PDPN: variants seen among roughly 807,000 people sequenced by gnomAD.
PDPN encodes PA2.26 antigen.
Under a neutral mutation model 23.2 loss-of-function variants are expected in PDPN, and 12 were observed. The ratio of observed to expected loss-of-function variants is 0.52; its 90% confidence interval spans 0.33 to 0.84. PDPN has a LOEUF of 0.84. PDPN is among the 40% of genes least tolerant of loss of function. The pLI, the probability that PDPN is intolerant of heterozygous loss-of-function variation, is 0.02. For synonymous variants in PDPN, 77 were observed against 76.7 expected, an observed-to-expected ratio of 1.00 and a Z score of -0.02; for missense variants, 199 against 212.2, an observed-to-expected ratio of 0.94 and a Z score of 0.39.
intron 1 of PDPN, among the ~76,000 whole-genome samples, chr1:13,604,341 A>G (rs985098659): frequency 6.6e-6 from 1 of 152,222 alleles, no homozygotes; most frequent in Non-Finnish European, 1.5e-5. Flanking sequence ...TTCAGCCAAG[A>G]TACTAAGAGG....
intron 1 of PDPN, chr1:13,595,871 G>T (rs749288616): frequency 7.8e-7 from 1 of 1,288,390 alleles, no homozygotes; most frequent in Non-Finnish European, 1.0e-6. Flanking sequence ...GTGGACAGCG[G>T]CAGGGACATC....
intron 3 of PDPN, among the ~76,000 whole-genome samples, chr1:13,610,817 TTG>T (rs111498287): frequency 0.017 from 2,524 of 152,290 alleles, 67 homozygotes; most frequent in African/African-American, 0.058. Flanking sequence ...GTGAAGAACT[TTG>T]TGTTGACACC....
chr1:13,591,329 C>T (rs1640338716), intron 1 of PDPN, among the ~76,000 whole-genome samples: 1 of 152,202 alleles, frequency 6.6e-6, no homozygotes, highest in Non-Finnish European at 1.5e-5. Flanking sequence ...GCACTCATGA[C>T]TATATTCACA....
chr1:13,603,031 T>C (rs981870523), intron 1 of PDPN, among the ~76,000 whole-genome samples: 2 of 150,656 alleles, frequency 1.3e-5, no homozygotes, highest in African/African-American at 2.4e-5. Context: ...TATATATATA[T>C]ATAAAAATAA....
At chr1:13,610,782 G>A (rs886110618) in intron 3 of PDPN, among the ~76,000 whole-genome samples, 2 of 152,136 alleles carry the variant, frequency 1.3e-5, no homozygotes, top group African/African-American at 2.4e-5. Context: ...ATTGCATGGC[G>A]GACTCCAAGT....
intron 1 of PDPN, among the ~76,000 whole-genome samples, chr1:13,605,743 C>T (rs1421488839): frequency 2.0e-5 from 3 of 152,168 alleles, no homozygotes; most frequent in Non-Finnish European, 4.4e-5. Flanking sequence ...CTGCCTCAGC[C>T]TCCCAAGTAG....
At chr1:13,594,487 G>A (rs990700003) in intron 1 of PDPN, among the ~76,000 whole-genome samples, 3 of 152,142 alleles carry the variant, frequency 2.0e-5, no homozygotes, top group Non-Finnish European at 4.4e-5. Context: ...GAAGTAGAGA[G>A]GAATATAACA....
chr1:13,598,234 C>T (rs114856161), intron 1 of PDPN, among the ~76,000 whole-genome samples: 1,659 of 151,994 alleles, frequency 0.011, 31 homozygotes, highest in African/African-American at 0.038. Context: ...CCAGACTGGT[C>T]GCTAACCCCT....
At position 13,603,878 on chromosome 1, in the gene PDPN, C is replaced by T. The variant is rs367995563; in HGVS notation, c.68-3295C>T. Reference sequence around the variant, plus strand: ...CTGGGATTATAGGTGTGAGCCACCGCGCCCAGCCCTGCCTAGCTTTTTTAA... The same window carrying T: ...CTGGGATTATAGGTGTGAGCCACCGTGCCCAGCCCTGCCTAGCTTTTTTAA... On this transcript the variant is annotated intron_variant, in intron 1 of 5. Coordinates refer to ENST00000621990, the MANE Select transcript of PDPN (RefSeq NM_006474.5). 4.6e-5 allele frequency among the ~76,000 whole-genome samples: 7 copies of T among 152,306 alleles called. No individual in the cohort carries two copies. In the East Asian group the frequency reaches 1.2e-3, roughly 25 times the overall value.
chr1:13,586,117 C>G (rs1640171961), intron 1 of PDPN, among the ~76,000 whole-genome samples: 1 of 152,086 alleles, frequency 6.6e-6, no homozygotes, highest in Non-Finnish European at 1.5e-5. Context: ...TTTTGGGGGC[C>G]ACTTCATTAG....
At chr1:13,606,206 TCTCAAATTCCTGAC>T (rs561244159) in intron 1 of PDPN, among the ~76,000 whole-genome samples, 126 of 152,100 alleles carry the variant, frequency 8.3e-4, no homozygotes, top group Non-Finnish European at 1.1e-3. Flanking sequence ...GCCAGGCTGG[TCTCAAATTCCTGAC>T]CTCAAATTCC....
rs1415869428 is a variant in PDPN at position 13,583,882 on chromosome 1, C to T, written c.-152C>T. The stretch of plus-strand genomic sequence containing the variant: ...CCTAGGGTCTGGGAAGCTCGGGCAC[C>T]CTCCCTCTCCGGGGCTCCTGCTCCC... On this transcript the variant is annotated 5_prime_UTR_variant, in exon 1 of 6. Transcript: ENST00000621990. 6.2e-7 allele frequency: 1 copy of T among 1,610,102 alleles called. No individual in the cohort carries two copies. Among genetic ancestry groups the T allele is most frequent in the Non-Finnish European group, 8.5e-7 (1 of 1,177,966 alleles).
intron 1 of PDPN, among the ~76,000 whole-genome samples, chr1:13,586,358 C>T (rs1183213862): frequency 6.6e-6 from 1 of 152,126 alleles, no homozygotes; most frequent in Non-Finnish European, 1.5e-5. Flanking sequence ...TGAGGGAGGC[C>T]TCTGCATTGC....
At chr1:13,595,886 A>G (rs1218680713) in intron 1 of PDPN, 2 of 1,288,138 alleles carry the variant, frequency 1.6e-6, no homozygotes, top group South Asian at 1.2e-5. Flanking sequence ...GACATCATAA[A>G]TACAGAAGAT....
intron 1 of PDPN, among the ~76,000 whole-genome samples, chr1:13,593,484 C>CA (rs914506007): frequency 5.9e-5 from 9 of 152,206 alleles, no homozygotes; most frequent in African/African-American, 2.2e-4. Context: ...TAGCCAAAAA[C>CA]AACTATTTTC....
intron 1 of PDPN, among the ~76,000 whole-genome samples, chr1:13,605,681 GGT>G (rs1291785651): frequency 3.9e-5 from 6 of 152,052 alleles, no homozygotes; most frequent in African/African-American, 1.4e-4. Flanking sequence ...GGAGTGCAGT[GGT>G]GTGATCTTGG....
intron 1 of PDPN, among the ~76,000 whole-genome samples, chr1:13,604,395 C>T (rs1434901293): frequency 6.6e-6 from 1 of 151,726 alleles, no homozygotes; most frequent in Non-Finnish European, 1.5e-5. Flanking sequence ...TCCCATGGAG[C>T]AAAAAGAATG....
At position 13,610,401 on chromosome 1, in the gene PDPN, C is replaced by T; in HGVS notation, c.216C>T (p.Val72=). The T allele has an allele frequency of 6.2e-7, 1 of 1,613,540 alleles. No individual in the cohort carries two copies. Among genetic ancestry groups the T allele is most frequent in the Non-Finnish European group, 8.5e-7 (1 of 1,179,694 alleles). Residue 72 remains valine (V), a synonymous_variant, in exon 3 of 6, where the codon GTC becomes GTT. Coordinates refer to ENST00000621990, the MANE Select transcript of PDPN (RefSeq NM_006474.5). The stretch of plus-strand genomic sequence containing the variant: ...ACCTACAATAGGTGGCAACAAGTGT[C>T]AACAGTGTAACAGGCATTCGCATCG... ...SGLTTLVATS[V]NSVTGIRIED... is the part of the protein sequence containing the mutation.
chr1:13,610,311 C>A, intron 2 of PDPN, 76 bp from the exon 3 acceptor site: 2 of 1,304,140 alleles, frequency 1.5e-6, no homozygotes, highest in Non-Finnish European at 1.1e-6. Flanking sequence ...ACCTTAAATC[C>A]TTTTATAAGG....
Sources: gnomAD v4.1 joint callset for allele counts (sites outside exome capture counted in the v4.1 genomes callset) on GRCh38, gnomAD v4.1.1 for gene constraint, MANE v1.5 for transcripts, NCBI Gene and HGNC (gene_info 2026-07-23, HGNC 2026-07-21) for gene names.